The following CDH18 variants were observed in gnomAD, a reference collection of about 807,000 sequenced individuals.
The protein encoded by CDH18 is cadherin 18.
A neutral mutation model predicts 67.9 loss-of-function variants in CDH18; 31 were observed. The ratio of observed to expected loss-of-function variants is 0.46; its 90% CI spans 0.34 to 0.62. CDH18 has a LOEUF of 0.62. CDH18 is among the 20% of genes least tolerant of loss of function. CDH18 has a pLI of 0.01. For missense variants in CDH18, 890 were observed against 975.5 expected, an observed-to-expected ratio of 0.91 and a Z score of 1.17; for synonymous variants, 362 against 347.2, an observed-to-expected ratio of 1.04 and a Z score of -0.48.
intron 1 of CDH18, among the ~76,000 whole-genome samples, chr5:20,483,855 T>C (rs1752990801): frequency 6.6e-6 from 1 of 151,916 alleles, no homozygotes; most frequent in Admixed American, 6.6e-5. Context: ...GGAAACTCTG[T>C]AGAACACTGG....
intron 8 of CDH18, among the ~76,000 whole-genome samples, chr5:19,554,898 G>GA (rs140408509): frequency 6.6e-6 from 1 of 151,874 alleles, no homozygotes; most frequent in African/African-American, 2.4e-5. Flanking sequence ...ATCTAAGGGG[G>GA]AAAAAAAGCA....
intron 1 of CDH18, among the ~76,000 whole-genome samples, chr5:20,275,704 C>T (rs1027790424): frequency 6.6e-6 from 1 of 152,118 alleles, no homozygotes; most frequent in Non-Finnish European, 1.5e-5. Flanking sequence ...TAGCTTTCCA[C>T]ACAAAAAATC....
At chr5:20,276,021 A>G (rs1745784234) in intron 1 of CDH18, among the ~76,000 whole-genome samples, 1 of 152,204 alleles carries the variant, frequency 6.6e-6, no homozygotes, top group South Asian at 2.1e-4. Context: ...TACCCACCCC[A>G]GCAGACATAA....
At chr5:20,136,972 G>A (rs1172902381) in intron 2 of CDH18, among the ~76,000 whole-genome samples, 1 of 152,120 alleles carries the variant, frequency 6.6e-6, no homozygotes, top group East Asian at 1.9e-4. Context: ...TTAGTCTGAT[G>A]GACTTCCCTT....
chr5:19,867,911 T>G (rs549325813), intron 2 of CDH18, among the ~76,000 whole-genome samples: 3 of 152,248 alleles, frequency 2.0e-5, no homozygotes, highest in Admixed American at 2.0e-4. Context: ...TGGAGGTGCT[T>G]ACCCCCATGC....
chr5:19,944,409 T>G (rs2150241957), intron 2 of CDH18, among the ~76,000 whole-genome samples: 1 of 152,262 alleles, frequency 6.6e-6, no homozygotes, highest in Non-Finnish European at 1.5e-5. Flanking sequence ...TATAATTTAT[T>G]AAATGTACTA....
chr5:20,291,276 C>A (rs1327819654), intron 1 of CDH18, among the ~76,000 whole-genome samples: 2 of 151,768 alleles, frequency 1.3e-5, no homozygotes, highest in Non-Finnish European at 2.9e-5. Flanking sequence ...ATAGTTGATC[C>A]CATAAAAATA....
At chr5:19,776,019 A>G (rs1227350690) in intron 3 of CDH18, among the ~76,000 whole-genome samples, 2 of 152,130 alleles carry the variant, frequency 1.3e-5, no homozygotes, top group Non-Finnish European at 2.9e-5. Context: ...ACTAAAGAAA[A>G]TTATACTGTA....
intron 2 of CDH18, among the ~76,000 whole-genome samples, chr5:20,191,795 T>C (rs960438423): frequency 1.2e-4 from 19 of 152,218 alleles, no homozygotes; most frequent in African/African-American, 4.6e-4. Flanking sequence ...TCTCTGCTAT[T>C]ATAAATAGTG....
At chr5:19,922,847 G>A (rs912948313) in intron 2 of CDH18, among the ~76,000 whole-genome samples, 1 of 151,986 alleles carries the variant, frequency 6.6e-6, no homozygotes, top group Non-Finnish European at 1.5e-5. Context: ...TACTCAAGAC[G>A]CTCCTGCATT....
At chr5:20,436,261 A>G (rs1396496721) in intron 1 of CDH18, among the ~76,000 whole-genome samples, 1 of 151,902 alleles carries the variant, frequency 6.6e-6, no homozygotes, top group Non-Finnish European at 1.5e-5. Context: ...GGGTCCATTG[A>G]TTGTTCCATT....
chr5:19,932,068 G>A lies in CDH18; in HGVS notation c.-257+48992C>T, dbSNP rs531685854. Among the ~76,000 whole-genome samples, 6 of 151,914 alleles carry A rather than the reference G, an allele frequency of 3.9e-5. No individual in the cohort carries two copies. In the South Asian group the frequency reaches 1.2e-3, roughly 32 times the overall value. The stretch of plus-strand genomic sequence containing the variant: ...GAAGTTAAATTTATTGAAAGAACAT[G>A]TATGAACTAAAAGAAAAAGTTGAAT... On this transcript the variant is annotated intron_variant, in intron 2 of 12. Transcript: ENST00000382275.
intron 3 of CDH18, among the ~76,000 whole-genome samples, chr5:19,757,972 T>C (rs1771832614): frequency 6.6e-6 from 1 of 152,156 alleles, no homozygotes; most frequent in South Asian, 2.1e-4. Context: ...CAGAACCATC[T>C]GTGAACCAGG....
chr5:19,756,510 C>A (rs534892543), intron 3 of CDH18, among the ~76,000 whole-genome samples: 5 of 152,276 alleles, frequency 3.3e-5, no homozygotes, highest in African/African-American at 1.2e-4. Context: ...TAACCTTAAT[C>A]ACAGGGAATG....
At chr5:19,497,939 A>G (rs781022946) in intron 11 of CDH18, among the ~76,000 whole-genome samples, 8 of 152,200 alleles carry the variant, frequency 5.3e-5, no homozygotes, top group Non-Finnish European at 1.2e-4. Flanking sequence ...GGAAGAAAAC[A>G]CAAGCCTCCT....
At chr5:19,593,732 C>CTTCTTCTTCTTCTTCTTCTTCTTCTTG (rs1745685343) in intron 6 of CDH18, among the ~76,000 whole-genome samples, 1 of 129,140 alleles carries the variant, frequency 7.7e-6, no homozygotes, top group Non-Finnish European at 1.6e-5. Flanking sequence ...TCTTCTTCTT[C>CTTCTTCTTCTTCTTCTTCTTCTTCTTG]TTCTTCTTCT....
chr5:19,775,691 T>A (rs892987064), intron 3 of CDH18, among the ~76,000 whole-genome samples: 1 of 152,098 alleles, frequency 6.6e-6, no homozygotes, highest in African/African-American at 2.4e-5. Context: ...CAATTCAACA[T>A]GAGATTTAGA....
intron 2 of CDH18, among the ~76,000 whole-genome samples, chr5:20,160,560 T>C (rs913501765): frequency 2.6e-5 from 4 of 152,246 alleles, no homozygotes; most frequent in Non-Finnish European, 5.9e-5. Context: ...AAGAATCCTT[T>C]TTTTAATACT....
At chr5:20,547,223 A>G (rs1428776204) in intron 1 of CDH18, among the ~76,000 whole-genome samples, 1 of 152,146 alleles carries the variant, frequency 6.6e-6, no homozygotes, top group Admixed American at 6.6e-5. Flanking sequence ...AGTGACAAGC[A>G]ATATAGGCTA....
Sources: allele counts gnomAD v4.1 joint callset (sites outside exome capture counted in the v4.1 genomes callset), GRCh38; gene constraint gnomAD v4.1.1; transcripts MANE v1.5; gene names NCBI Gene and HGNC (gene_info 2026-07-23, HGNC 2026-07-21).